The following FAM178B variants were observed in gnomAD, a reference collection of about 807,000 sequenced individuals.
The protein encoded by FAM178B is protein FAM178B.
Under a neutral mutation model 91.7 loss-of-function variants are expected in FAM178B, and 82 were observed. The observed-to-expected ratio is 0.89, with a 90% CI of 0.75 to 1.07. The LOEUF (loss-of-function observed/expected upper bound fraction) is 1.07. Among genes scored for constraint, FAM178B ranks in the 50% least tolerant of loss-of-function variants. The pLI is 0.00. For missense variants in FAM178B, 769 were observed against 846.7 expected, an observed-to-expected ratio of 0.91 and a Z score of 1.14; for synonymous variants, 368 against 359.4, an observed-to-expected ratio of 1.02 and a Z score of -0.27.
intron 5 of FAM178B, among the ~76,000 whole-genome samples, chr2:96,967,268 G>A (rs1210557048): frequency 6.6e-6 from 1 of 152,200 alleles, no homozygotes; most frequent in Non-Finnish European, 1.5e-5. Flanking sequence ...GCAGATAATT[G>A]GGGCAGAACA....
At position 96,927,823 on chromosome 2, in the gene FAM178B, T is replaced by C. The variant is rs1228865712; in HGVS notation, c.1193+1383A>G. ...TCCCAGGAGGACACAGGGACACTCATCACAGCAGTCACAAGTGGCTCTTCT... is the reference window on the plus strand; with the variant it reads ...TCCCAGGAGGACACAGGGACACTCACCACAGCAGTCACAAGTGGCTCTTCT... On this transcript the variant is annotated intron_variant, in intron 9 of 16. Transcript: ENST00000490605. Among the ~76,000 whole-genome samples, 4 of 152,264 alleles carry C rather than the reference T, an allele frequency of 2.6e-5. No homozygotes were observed. The East Asian group carries it at 7.7e-4, about 29-fold the overall frequency.
intron 12 of FAM178B, among the ~76,000 whole-genome samples, chr2:96,916,614 G>T (rs141384021): frequency 6.6e-6 from 1 of 152,182 alleles, no homozygotes; most frequent in Non-Finnish European, 1.5e-5. Flanking sequence ...CCCCAATGGC[G>T]CCACCTCCCA....
At chr2:96,960,687 C>T (rs2082067202) in intron 5 of FAM178B, among the ~76,000 whole-genome samples, 1 of 152,192 alleles carries the variant, frequency 6.6e-6, no homozygotes, top group African/African-American at 2.4e-5. Context: ...GCCAGAAGAC[C>T]CAACCCCACC....
chr2:96,900,643 G>T (rs1025343345), intron 13 of FAM178B, among the ~76,000 whole-genome samples: 2 of 152,186 alleles, frequency 1.3e-5, no homozygotes, highest in Admixed American at 1.3e-4. Context: ...GGTCAGGAAG[G>T]CCCCTTGCAG....
chr2:96,931,980 AAG>A (rs1192845047), intron 8 of FAM178B, among the ~76,000 whole-genome samples: 1 of 152,130 alleles, frequency 6.6e-6, no homozygotes, highest in African/African-American at 2.4e-5. Context: ...CTCCACTGGA[AAG>A]AGAGAACTGT....
rs1337126813 is a variant in FAM178B at position 96,921,513 on chromosome 2, AGAG to A, written c.1426_1428del (p.Leu479del). ...CACTCCCGGATGTTCTCCAGGAGCAAGAGGAGAAGCTGCTGGAGGTCAACTTTG... is the reference window on the plus strand; with the variant it reads ...CACTCCCGGATGTTCTCCAGGAGCAAGAGAAGCTGCTGGAGGTCAACTTTG... On this transcript the variant is annotated inframe_deletion, in exon 11 of 17. Coordinates refer to ENST00000490605, the MANE Select transcript of FAM178B (RefSeq NM_001122646.3). The A allele has an allele frequency of 6.4e-7, 1 of 1,551,602 alleles. No individual in the cohort carries two copies. The highest frequency in any genetic ancestry group is 8.7e-7 in the Non-Finnish European group (1 of 1,146,958).
At chr2:96,979,324 G>C (rs944260707) in intron 1 of FAM178B, among the ~76,000 whole-genome samples, 2 of 133,862 alleles carry the variant, frequency 1.5e-5, no homozygotes, top group African/African-American at 5.8e-5. Context: ...CTGTCATCCA[G>C]GCTGGAGTGC....
At chr2:96,974,571 A>T (rs1160352965) in intron 1 of FAM178B, among the ~76,000 whole-genome samples, 1 of 152,140 alleles carries the variant, frequency 6.6e-6, no homozygotes, top group Non-Finnish European at 1.5e-5. Flanking sequence ...CAATCAAAAG[A>T]CAGAGATTGG....
intron 5 of FAM178B, among the ~76,000 whole-genome samples, chr2:96,962,543 G>A (rs2082096145): frequency 6.6e-6 from 1 of 152,124 alleles, no homozygotes; most frequent in African/African-American, 2.4e-5. Flanking sequence ...AGGGACTTCT[G>A]TGATGCTGGC....
chr2:96,905,147 C>T (rs1367357992), intron 12 of FAM178B, among the ~76,000 whole-genome samples: 1 of 152,134 alleles, frequency 6.6e-6, no homozygotes, highest in Non-Finnish European at 1.5e-5. Context: ...GATCATGTTT[C>T]ATTTCTTGAC....
intron 5 of FAM178B, among the ~76,000 whole-genome samples, chr2:96,960,703 G>C (rs535073561): frequency 2.0e-5 from 3 of 152,332 alleles, no homozygotes; most frequent in African/African-American, 7.2e-5. Flanking sequence ...CCACCCACTG[G>C]ATCTGTCAGG....
At chr2:96,955,862 C>T (rs971845175) in intron 6 of FAM178B, among the ~76,000 whole-genome samples, 3 of 152,176 alleles carry the variant, frequency 2.0e-5, no homozygotes, top group African/African-American at 7.2e-5. Flanking sequence ...TCAACCCTGG[C>T]CTGTTCCTCC....
intron 8 of FAM178B, among the ~76,000 whole-genome samples, chr2:96,944,419 C>T (rs1559088021): frequency 6.6e-6 from 1 of 152,198 alleles, no homozygotes; most frequent in South Asian, 2.1e-4. Context: ...TCTAATGAAA[C>T]AAAATGGAAA....
At chr2:96,930,632 AGAAT>A (rs1164532280) in intron 8 of FAM178B, among the ~76,000 whole-genome samples, 15 of 152,236 alleles carry the variant, frequency 9.9e-5, no homozygotes, top group African/African-American at 3.6e-4. Context: ...TGGAAGAATT[AGAAT>A]GAATGAATGG....
At chr2:96,937,048 A>C (rs756739776) in intron 8 of FAM178B, among the ~76,000 whole-genome samples, 68 of 121,170 alleles carry the variant, frequency 5.6e-4, no homozygotes, top group Non-Finnish European at 9.9e-4. Flanking sequence ...CACAATGCCC[A>C]GGTTTTGTTG....
At chr2:96,898,975 G>C (rs747989962) in intron 13 of FAM178B, among the ~76,000 whole-genome samples, 1 of 152,228 alleles carries the variant, frequency 6.6e-6, no homozygotes, top group Non-Finnish European at 1.5e-5. Context: ...AGGGGCATGT[G>C]GGCTGAGTGG....
At chr2:96,947,698 A>T (rs1384231883) in intron 8 of FAM178B, 120 bp downstream of exon 8, 3 of 622,928 alleles carry the variant, frequency 4.8e-6, no homozygotes, top group African/African-American at 3.7e-5. Flanking sequence ...ATGCCTCTAC[A>T]CCCTGGATGC....
At chr2:96,919,306 G>A (rs904869061) in intron 12 of FAM178B, among the ~76,000 whole-genome samples, 19 of 152,352 alleles carry the variant, frequency 1.2e-4, no homozygotes, top group African/African-American at 4.1e-4. Flanking sequence ...CTAGGGACCA[G>A]CCTAAGAATT....
intron 8 of FAM178B, among the ~76,000 whole-genome samples, chr2:96,939,805 C>T (rs1336122195): frequency 2.6e-5 from 4 of 152,090 alleles, no homozygotes; most frequent in African/African-American, 9.7e-5. Context: ...ATGGTATCTA[C>T]TTGTAGGGTT....
Sources: gnomAD v4.1 joint callset for allele counts (sites outside exome capture counted in the v4.1 genomes callset) on GRCh38, gnomAD v4.1.1 for gene constraint, MANE v1.5 for transcripts, NCBI Gene and HGNC (gene_info 2026-07-23, HGNC 2026-07-21) for gene names.